The following SOCS7 variants were observed in gnomAD, a reference collection of about 807,000 sequenced individuals.
SOCS7 encodes NAP-4.
In SOCS7, 18 loss-of-function variants were observed where a neutral mutation model predicts 58.9. That is an observed-to-expected ratio of 0.31 (90% CI 0.21 to 0.45). SOCS7 has a LOEUF of 0.45. Among genes scored for constraint, SOCS7 ranks in the 20% least tolerant of loss-of-function variants. SOCS7 has a pLI of 1.00. For missense variants in SOCS7, 667 were observed against 837.3 expected, an observed-to-expected ratio of 0.80 and a Z score of 2.51; for synonymous variants, 388 against 364.3, an observed-to-expected ratio of 1.06 and a Z score of -0.74.
chr17:38,376,204 A>G (rs1044500645), intron 6 of SOCS7, among the ~76,000 whole-genome samples: 1 of 152,214 alleles, frequency 6.6e-6, no homozygotes, highest in African/African-American at 2.4e-5. Flanking sequence ...GCCGGAGCCT[A>G]TCCTGGCAGT....
chr17:38,381,793 A>G (rs1227252499), intron 7 of SOCS7, among the ~76,000 whole-genome samples: 1 of 151,514 alleles, frequency 6.6e-6, no homozygotes, highest in African/African-American at 2.4e-5. Flanking sequence ...GTGAAACCCC[A>G]TCTCTACTAA....
In SOCS7 at chr17:38,405,574, A is replaced by G. The variant is rs1055727319; in HGVS notation, c.*6092A>G. ...GGGGAGGGGTGAAAAGAGATTTGAA[A>G]TAAAAATGTTTAGAAATTATTTCAT... On this transcript the variant is annotated 3_prime_UTR_variant, in exon 10 of 10. Coordinates refer to ENST00000612932, the MANE Select transcript of SOCS7 (RefSeq NM_014598.4). 6.6e-6 allele frequency: 1 copy of G among 152,172 alleles called. No homozygotes were observed. Among genetic ancestry groups the G allele is most frequent in the African/African-American group, 2.4e-5 (1 of 41,434 alleles). The allele number at this position is 152,172 out of a possible 1,614,324, so 9.4% of individuals were successfully genotyped here.
chr17:38,362,958 C>CA (rs956030725), intron 2 of SOCS7, among the ~76,000 whole-genome samples: 2 of 152,032 alleles, frequency 1.3e-5, no homozygotes, highest in African/African-American at 4.8e-5. Flanking sequence ...ACTAAAAATA[C>CA]AAAAAATTAG....
chr17:38,389,899 A>ATATATATATG (rs2038143219), intron 7 of SOCS7, among the ~76,000 whole-genome samples: 56 of 10,154 alleles, frequency 5.5e-3, no homozygotes, highest in African/African-American at 0.013. Context: ...ATATATATAT[A>ATATATATATG]CACATATAGA....
chr17:38,389,861 G>GTACATATATATATATATATA (rs2038128520), intron 7 of SOCS7, among the ~76,000 whole-genome samples: 26 of 2,372 alleles, frequency 0.011, 1 homozygote, highest in African/African-American at 0.022. Flanking sequence ...TGGTGTGTAT[G>GTACATATATATATATATATA]TGTGTACATA....
chr17:38,379,967 A>G (rs752402199), intron 7 of SOCS7, among the ~76,000 whole-genome samples: 1 of 152,236 alleles, frequency 6.6e-6, no homozygotes, highest in Admixed American at 6.5e-5. Flanking sequence ...GTCAGAGCAC[A>G]TGTTCAAGTC....
chr17:38,352,268 G>C lies in SOCS7; in HGVS notation c.216G>C (p.Arg72=), dbSNP rs774808638. Residue 72 remains arginine, a synonymous_variant, in exon 1 of 10, where the codon CGG becomes CGC. Transcript: ENST00000612932. This position sits in a 1 kb window ranked among gnomAD's most constrained non-coding sequence, Gnocchi z 5.5. ...PQLMVFRNVG[R]PPEEEDVEAA... is the part of the protein sequence containing the mutation. Reference sequence around the variant, plus strand: ...TGATGGTGTTCCGCAACGTGGGTCGGCCGCCGGAGGAGGAGGACGTGGAGG... The same window carrying C: ...TGATGGTGTTCCGCAACGTGGGTCGCCCGCCGGAGGAGGAGGACGTGGAGG... 8 of 1,477,098 alleles carry C rather than the reference G, an allele frequency of 5.4e-6. No individual in the cohort carries two copies. The Admixed American group carries it at 1.7e-4, about 31-fold the overall frequency. 91.5% of individuals were successfully genotyped at this position (1,477,098 alleles called of 1,614,324 possible).
At chr17:38,391,860 G>T (rs533792143) in intron 7 of SOCS7, among the ~76,000 whole-genome samples, 1 of 152,212 alleles carries the variant, frequency 6.6e-6, no homozygotes, top group East Asian at 1.9e-4. Context: ...TGTCTTCAGG[G>T]GTCAGAAAAA....
chr17:38,354,764 TTTC>T (rs2037611312), intron 1 of SOCS7, among the ~76,000 whole-genome samples: 1 of 152,068 alleles, frequency 6.6e-6, no homozygotes, highest in Non-Finnish European at 1.5e-5. Flanking sequence ...GATTGCTAAT[TTTC>T]TTGTGGTTTG....
At chr17:38,390,639 TTTTC>T (rs2038158448) in intron 7 of SOCS7, among the ~76,000 whole-genome samples, 1 of 130,064 alleles carries the variant, frequency 7.7e-6, no homozygotes, top group African/African-American at 2.9e-5. Flanking sequence ...CTTTTGTTCG[TTTTC>T]CTTCCTTCCT....
At chr17:38,389,906 T>TATAG (rs1555571102) in intron 7 of SOCS7, among the ~76,000 whole-genome samples, 6 of 103,480 alleles carry the variant, frequency 5.8e-5, no homozygotes, top group African/African-American at 2.8e-4. Context: ...TATACACATA[T>TATAG]AGAGAGAGAG....
At chr17:38,353,078 G>T (rs775059221) in intron 1 of SOCS7, 46 bp downstream of exon 1, 48 of 1,481,820 alleles carry the variant, frequency 3.2e-5, no homozygotes, top group African/African-American at 4.2e-5. Context: ...TTTCTTGTTT[G>T]GTTTCCCTTT....
At chr17:38,365,624 G>A (rs1255098815) in intron 4 of SOCS7, 3 of 420,692 alleles carry the variant, frequency 7.1e-6, no homozygotes, top group Middle Eastern at 6.0e-4. Context: ...ATTTTTGTTA[G>A]GGATGAAAGA....
chr17:38,355,106 G>A lies in SOCS7; in HGVS notation c.980+2074G>A, dbSNP rs186100318. Among the ~76,000 whole-genome samples the A allele has an allele frequency of 1.3e-3, 194 of 152,268 alleles. 1 individual carries two copies. The highest frequency in any genetic ancestry group is 2.6e-4 in the Non-Finnish European group (18 of 68,034). ...AATTGGAGAAGAGCTAGTTATTTGT[G>A]TATAAACGTTTGGTTGACTGCTGTT... is the stretch of plus-strand genomic sequence containing the variant. On this transcript the variant is annotated intron_variant, in intron 1 of 9. Coordinates refer to ENST00000612932, the MANE Select transcript of SOCS7 (RefSeq NM_014598.4).
At chr17:38,393,892 T>G (rs2038210020) in intron 7 of SOCS7, among the ~76,000 whole-genome samples, 1 of 152,074 alleles carries the variant, frequency 6.6e-6, no homozygotes, top group Non-Finnish European at 1.5e-5. Flanking sequence ...AGAGCAAGAC[T>G]CCGCCTCAAA....
At chr17:38,355,096 A>T (rs2144308006) in intron 1 of SOCS7, among the ~76,000 whole-genome samples, 1 of 152,288 alleles carries the variant, frequency 6.6e-6, no homozygotes, top group Admixed American at 6.5e-5. Context: ...GAGAAGAGCT[A>T]GTTATTTGTG....
At chr17:38,361,882 A>G in intron 2 of SOCS7, 107 bp downstream of exon 2, 4 of 767,020 alleles carry the variant, frequency 5.2e-6, no homozygotes, top group Non-Finnish European at 8.6e-6. Context: ...GCGTGTCTGC[A>G]GTTATTTCCT....
intron 1 of SOCS7, among the ~76,000 whole-genome samples, chr17:38,353,982 A>G (rs911786633): frequency 2.0e-5 from 3 of 152,196 alleles, no homozygotes; most frequent in Non-Finnish European, 4.4e-5. Context: ...TACCAGTAAG[A>G]TATAGACAAG....
chr17:38,372,856 C>T (rs1183697856), intron 6 of SOCS7, among the ~76,000 whole-genome samples: 3 of 152,102 alleles, frequency 2.0e-5, no homozygotes. Flanking sequence ...CCTGTAATCC[C>T]GGCACTTTGG....
Sources: gnomAD v4.1 joint callset for allele counts (sites outside exome capture counted in the v4.1 genomes callset) on GRCh38, gnomAD v4.1.1 for gene constraint, Gnocchi (gnomAD v3.1) non-coding constraint, MANE v1.5 for transcripts, NCBI Gene and HGNC (gene_info 2026-07-23, HGNC 2026-07-21) for gene names.